The following SMIM30 variants were observed in gnomAD, a reference collection of about 807,000 sequenced individuals.
SMIM30 encodes long intergenic non-protein coding RNA 998.
For missense variants in SMIM30, 43 were observed against 27.6 expected, an observed-to-expected ratio of 1.56 and a Z score of -1.25; for synonymous variants, 19 against 11.5, an observed-to-expected ratio of 1.65 and a Z score of -1.31.
intron 2 of SMIM30, chr7:113,117,856 G>C (rs1794711082): frequency 2.2e-6 from 1 of 447,004 alleles, no homozygotes; most frequent in Non-Finnish European, 4.1e-6. Flanking sequence ...CCAACACCTC[G>C]TGCATCAACC....
At chr7:113,118,454 G>T (rs1416339063) in intron 1 of SMIM30, 74 bp downstream of exon 1, 3 of 455,990 alleles carry the variant, frequency 6.6e-6, no homozygotes, top group Admixed American at 4.7e-5. Flanking sequence ...GCCCGGCAAG[G>T]TCCAAATTTG....
intron 2 of SMIM30, 80 bp downstream of exon 2, chr7:113,117,988 A>G: frequency 2.6e-6 from 1 of 389,686 alleles, no homozygotes; most frequent in Non-Finnish European, 5.0e-6. Context: ...GGTCTCTCCC[A>G]TCCAAGAAAT....
chr7:113,117,127 A>G lies in SMIM30; in HGVS notation c.*272T>C. The G allele has an allele frequency of 2.6e-6, 1 of 388,310 alleles. No homozygotes were observed. The highest frequency in any genetic ancestry group is 4.8e-6 in the Non-Finnish European group (1 of 207,634). The allele number at this position is 388,310 out of a possible 1,614,324, so 24.1% of individuals were successfully genotyped here. ...TTTGAGAGAATTCTAAGATTATGAA[A>G]TATTACTTATGTAAATTTCAGCCAT... On this transcript the variant is annotated 3_prime_UTR_variant, in exon 3 of 3. Transcript: ENST00000397764.
rs1314019522 is a variant in SMIM30, at chr7:113,117,416, T to C, written c.163A>G (p.Arg55Gly). ...TTTCAAAGTCACATCTGTCCATTTC[T>C]TTTTCGTGCATATACCCCCAAGCAG... is the stretch of plus-strand genomic sequence containing the variant. Reference protein sequence around the residue: ...CACLGVYARKRNGQM With the variant: ...CACLGVYARKGNGQM The change falls in exon 3 of 3, where the codon AGA becomes GGA. Residue 55 changes from arginine to glycine, a missense_variant. Transcript: ENST00000397764. 1 of 702,858 alleles carries C rather than the reference T, an allele frequency of 1.4e-6. No individual in the cohort carries two copies. The highest frequency in any genetic ancestry group is 1.7e-5 in the African/African-American group (1 of 57,246). 43.5% of individuals were successfully genotyped at this position (702,858 alleles called of 1,614,324 possible). A position where few individuals can be genotyped will look rare whatever the true frequency, so the allele number is the denominator to read the frequency against.
At position 113,116,940 on chromosome 7, in the gene SMIM30, C is replaced by T. The variant is rs944277404; in HGVS notation, c.*459G>A. On this transcript the variant is annotated 3_prime_UTR_variant, in exon 3 of 3. Coordinates refer to ENST00000397764, the MANE Select transcript of SMIM30 (RefSeq NM_001352688.2). ...CTAGAGATAAAAGTTTTCCTTTTTG[C>T]CTGACTCTCTGATATCTAAATATAA... is the stretch of plus-strand genomic sequence containing the variant. 2 of 154,010 alleles carry T rather than the reference C, an allele frequency of 1.3e-5. No homozygotes were observed. The highest frequency in any genetic ancestry group is 4.9e-5 in the African/African-American group (2 of 41,226). 9.5% of individuals were successfully genotyped at this position (154,010 alleles called of 1,614,324 possible).
intron 1 of SMIM30, 31 bp from the exon 2 acceptor site, chr7:113,118,192 C>G: frequency 1.0e-5 from 4 of 398,142 alleles, no homozygotes; most frequent in South Asian, 1.8e-5. Context: ...GGGGAGGGGG[C>G]GGAGAGAAGG....
rs1386885425 is a variant in SMIM30, at chr7:113,116,734, T to C, written c.*665A>G. ...CACGAAACATTAACTTATAACATAATGGGTTTATATTTAATATAGTACTTC... is the reference window on the plus strand; with the variant it reads ...CACGAAACATTAACTTATAACATAACGGGTTTATATTTAATATAGTACTTC... On this transcript the variant is annotated 3_prime_UTR_variant, in exon 3 of 3. Transcript: ENST00000397764. 3 of 152,188 alleles carry C rather than the reference T, an allele frequency of 2.0e-5. No individual in the cohort carries two copies. The highest frequency in any genetic ancestry group is 7.2e-5 in the African/African-American group (3 of 41,440). The allele number at this position is 152,188 out of a possible 1,614,324, so 9.4% of individuals were successfully genotyped here.
At chr7:113,117,809 G>A in intron 2 of SMIM30, 1 of 530,104 alleles carries the variant, frequency 1.9e-6, no homozygotes, top group Non-Finnish European at 3.4e-6. Context: ...CCTATCTCGT[G>A]ATAACACTCT....
chr7:113,117,329 A>G lies in SMIM30; in HGVS notation c.*70T>C, dbSNP rs1384311449. 2.9e-6 allele frequency: 2 copies of G among 692,126 alleles called. No individual in the cohort carries two copies. The highest frequency in any genetic ancestry group is 5.3e-6 in the Non-Finnish European group (2 of 377,232). The allele number at this position is 692,126 out of a possible 1,614,324, so 42.9% of individuals were successfully genotyped here. A position where few individuals can be genotyped will look rare whatever the true frequency, so the allele number is the denominator to read the frequency against. On this transcript the variant is annotated 3_prime_UTR_variant, in exon 3 of 3. Coordinates refer to ENST00000397764, the MANE Select transcript of SMIM30 (RefSeq NM_001352688.2). ...TGATTCTTGGAACCTTTCACACACCAAATCTCAGGTTTAGCCTCTAAAGCG... is the reference window on the plus strand; with the variant it reads ...TGATTCTTGGAACCTTTCACACACCGAATCTCAGGTTTAGCCTCTAAAGCG...
rs533064553 is a variant in SMIM30 at position 113,118,176 on chromosome 7, G to T, written c.-123-15C>A. ...CGTGACACGACCTATTATTAGCATG[G>T]GGGGTGGGGAGGGGGCGGAGAGAAG... On this transcript the variant is annotated splice_polypyrimidine_tract_variant and intron_variant, in intron 1 of 2. Coordinates refer to ENST00000397764, the MANE Select transcript of SMIM30 (RefSeq NM_001352688.2). 6.6e-4 allele frequency: 287 copies of T among 437,640 alleles called. 1 individual carries two copies. The highest frequency in any genetic ancestry group is 4.9e-3 in the African/African-American group (239 of 49,054). The allele number at this position is 437,640 out of a possible 1,614,324, so 27.1% of individuals were successfully genotyped here.
chr7:113,118,532 T>G lies in SMIM30; in HGVS notation c.-128A>C. ...GGAGACGAGTTCGTACATTACCTTCTAGGAAGCAGCCATTACAGGAATGGC... is the reference window on the plus strand; with the variant it reads ...GGAGACGAGTTCGTACATTACCTTCGAGGAAGCAGCCATTACAGGAATGGC... On this transcript the variant is annotated 5_prime_UTR_variant, in exon 1 of 3. It removes the in-frame stop codon of an upstream open reading frame in the 5' UTR. Transcript: ENST00000397764. The G allele has an allele frequency of 2.2e-6, 1 of 455,842 alleles. No homozygotes were observed. The highest frequency in any genetic ancestry group is 1.5e-5 in the South Asian group (1 of 64,544). 28.2% of individuals were successfully genotyped at this position (455,842 alleles called of 1,614,324 possible). A position where few individuals can be genotyped will look rare whatever the true frequency, so the allele number is the denominator to read the frequency against.
In SMIM30 at chr7:113,118,174, T is replaced by C. The variant is rs1254683740; in HGVS notation, c.-123-13A>G. The stretch of plus-strand genomic sequence containing the variant: ...CACGTGACACGACCTATTATTAGCA[T>C]GGGGGGTGGGGAGGGGGCGGAGAGA... On this transcript the variant is annotated splice_polypyrimidine_tract_variant and intron_variant, in intron 1 of 2. Transcript: ENST00000397764. 2 of 391,604 alleles carry C rather than the reference T, an allele frequency of 5.1e-6. No homozygotes were observed. Among genetic ancestry groups the C allele is most frequent in the Non-Finnish European group, 4.9e-6 (1 of 202,870 alleles). The allele number at this position is 391,604 out of a possible 1,614,324, so 24.3% of individuals were successfully genotyped here.
Position 113,118,527 on chromosome 7 carries a change from C to T in SMIM30, c.-124+1G>A. On this transcript the variant is annotated splice_donor_variant, in intron 1 of 2. Transcript: ENST00000397764. LOFTEE classifies it low-confidence loss of function (5UTR_SPLICE). Reference sequence around the variant, plus strand: ...CCTTTGGAGACGAGTTCGTACATTACCTTCTAGGAAGCAGCCATTACAGGA... The same window carrying T: ...CCTTTGGAGACGAGTTCGTACATTATCTTCTAGGAAGCAGCCATTACAGGA... 2.2e-6 allele frequency: 1 copy of T among 455,922 alleles called. No individual in the cohort carries two copies. The highest frequency in any genetic ancestry group is 1.5e-5 in the South Asian group (1 of 64,554). The allele number at this position is 455,922 out of a possible 1,614,324, so 28.2% of individuals were successfully genotyped here.
At position 113,117,266 on chromosome 7, in the gene SMIM30, C is replaced by T; in HGVS notation, c.*133G>A. 5.1e-6 allele frequency: 3 copies of T among 593,300 alleles called. No individual in the cohort carries two copies. The highest frequency in any genetic ancestry group is 2.8e-5 in the East Asian group (1 of 36,070). 36.8% of individuals were successfully genotyped at this position (593,300 alleles called of 1,614,324 possible). ...TATAAATGTATGTTTGTTGCCATTT[C>T]ATGGAAACAATGAAAAATGTGAAAC... On this transcript the variant is annotated 3_prime_UTR_variant, in exon 3 of 3. Transcript: ENST00000397764.
At chr7:113,117,682 A>G (rs1584573557) in intron 2 of SMIM30, 75 bp from the exon 3 acceptor site, 1 of 688,344 alleles carries the variant, frequency 1.5e-6, no homozygotes, top group East Asian at 2.7e-5. Flanking sequence ...TGAACACATG[A>G]CAAATAACAG....
At chr7:113,118,399 A>T in intron 1 of SMIM30, 129 bp downstream of exon 1, 1 of 455,334 alleles carries the variant, frequency 2.2e-6, no homozygotes, top group Non-Finnish European at 4.4e-6. Context: ...AGATAATTTC[A>T]TTTCAGGACT....
rs1173310944 is a variant in SMIM30 at position 113,118,552 on chromosome 7, A to T, written c.-148T>A. Reference sequence around the variant, plus strand: ...CCTTCTAGGAAGCAGCCATTACAGGAATGGCGAGGAGGGCGGAGTCTCCAA... The same window carrying T: ...CCTTCTAGGAAGCAGCCATTACAGGTATGGCGAGGAGGGCGGAGTCTCCAA... On this transcript the variant is annotated 5_prime_UTR_variant, in exon 1 of 3. Transcript: ENST00000397764. 2.2e-6 allele frequency: 1 copy of T among 455,246 alleles called. No individual in the cohort carries two copies. The highest frequency in any genetic ancestry group is 7.0e-5 in the East Asian group (1 of 14,378). The allele number at this position is 455,246 out of a possible 1,614,324, so 28.2% of individuals were successfully genotyped here.
In SMIM30 at chr7:113,116,726, T is replaced by C. The variant is rs1227512240; in HGVS notation, c.*673A>G. 6.6e-6 allele frequency: 1 copy of C among 152,224 alleles called. No individual in the cohort carries two copies. Among genetic ancestry groups the C allele is most frequent in the Non-Finnish European group, 1.5e-5 (1 of 68,044 alleles). 9.4% of individuals were successfully genotyped at this position (152,224 alleles called of 1,614,324 possible). A position where few individuals can be genotyped will look rare whatever the true frequency, so the allele number is the denominator to read the frequency against. ...GAAATGGACACGAAACATTAACTTATAACATAATGGGTTTATATTTAATAT... is the reference window on the plus strand; with the variant it reads ...GAAATGGACACGAAACATTAACTTACAACATAATGGGTTTATATTTAATAT... On this transcript the variant is annotated 3_prime_UTR_variant, in exon 3 of 3. Transcript: ENST00000397764.
intron 2 of SMIM30, 21 bp from the exon 3 acceptor site, chr7:113,117,628 C>A (rs567843361): frequency 1.3e-5 from 9 of 697,354 alleles, no homozygotes; most frequent in Admixed American, 2.0e-5. Flanking sequence ...AACATGGAAA[C>A]AAAAAGGAAC....
Sources: gnomAD v4.1 joint callset for allele counts on GRCh38, gnomAD v4.1.1 for gene constraint, MANE v1.5 for transcripts, NCBI Gene and HGNC (gene_info 2026-07-23, HGNC 2026-07-21) for gene names.